Variants in CCDC167 observed in about 807,000 individuals in gnomAD.
CCDC167 encodes coiled-coil domain containing 167, also known as coiled-coil domain-containing protein 167.
Under a neutral mutation model 12.7 loss-of-function variants are expected in CCDC167, and 15 were observed. The ratio of observed to expected loss-of-function variants is 1.18; its 90% CI spans 0.79 to 1.81. The LOEUF is 1.81. Among genes scored for constraint, CCDC167 ranks in the 40% most tolerant of loss-of-function variants. The pLI, the probability that CCDC167 is intolerant of heterozygous loss-of-function variation, is 0.00. For missense variants in CCDC167, 121 were observed against 120.1 expected, an observed-to-expected ratio of 1.01 and a Z score of -0.03; for synonymous variants, 52 against 49.0, an observed-to-expected ratio of 1.06 and a Z score of -0.26.
At chr6:37,499,575 C>T (rs1762138367) in intron 1 of CCDC167, among the ~76,000 whole-genome samples, 1 of 152,082 alleles carries the variant, frequency 6.6e-6, no homozygotes, top group African/African-American at 2.4e-5. Flanking sequence ...CCTTCACTTC[C>T]ATGTCTCTTC....
Position 37,499,858 on chromosome 6 carries a change from A to T in CCDC167, c.6T>A (p.Thr2=). The T allele has an allele frequency of 6.2e-7, 1 of 1,614,052 alleles. No homozygotes were observed. The highest frequency in any genetic ancestry group is 8.5e-7 in the Non-Finnish European group (1 of 1,180,002). ...CGCCCAGATTCTCCCGCTTCTTTTTAGTCATGTTACTTGCCGGGATCCCCC... is the reference window on the plus strand; with the variant it reads ...CGCCCAGATTCTCCCGCTTCTTTTTTGTCATGTTACTTGCCGGGATCCCCC... The part of the protein sequence containing the change: M[T]KKKRENLGVA... Residue 2 remains threonine (T), a synonymous_variant, in exon 1 of 4, where the codon ACT becomes ACA. Transcript: ENST00000373408.
At chr6:37,489,964 A>G (rs1374364976) in intron 1 of CCDC167, among the ~76,000 whole-genome samples, 1 of 152,352 alleles carries the variant, frequency 6.6e-6, no homozygotes, top group East Asian at 1.9e-4. Flanking sequence ...CCTGCTGTAC[A>G]ATAACATTAA....
chr6:37,485,332 C>G, intron 1 of CCDC167, 138 bp from the exon 2 acceptor site: 1 of 652,078 alleles, frequency 1.5e-6, no homozygotes, highest in Non-Finnish European at 2.7e-6. Context: ...GCACCCAGGC[C>G]TGTCTTCCCT....
At chr6:37,495,265 C>CATCT (rs1209228471) in intron 1 of CCDC167, among the ~76,000 whole-genome samples, 1 of 152,214 alleles carries the variant, frequency 6.6e-6, no homozygotes, top group African/African-American at 2.4e-5. Context: ...AGACACCACA[C>CATCT]ATCTGTTAAC....
In CCDC167 at chr6:37,486,455, C is replaced by T. The variant is rs1353810718; in HGVS notation, c.43-1261G>A. Among the ~76,000 whole-genome samples the T allele has an allele frequency of 3.3e-5, 5 of 152,182 alleles. No individual in the cohort carries two copies. In the East Asian group the frequency reaches 9.6e-4, roughly 29 times the overall value. Reference sequence around the variant, plus strand: ...GCTGAGTGTCAGGAGAGTTGCATTCCAAGTCTCTGGGCCTTCTGTCTCTCT... The same window carrying T: ...GCTGAGTGTCAGGAGAGTTGCATTCTAAGTCTCTGGGCCTTCTGTCTCTCT... On this transcript the variant is annotated intron_variant, in intron 1 of 3. Transcript: ENST00000373408.
intron 3 of CCDC167, 25 bp downstream of exon 3, chr6:37,484,785 T>C (rs1761919302): frequency 1.2e-6 from 2 of 1,614,046 alleles, no homozygotes; most frequent in African/African-American, 2.7e-5. Flanking sequence ...AGGCTGGGGC[T>C]GGTAACTGAA....
rs540591484 is a variant in CCDC167 at position 37,484,914 on chromosome 6, C to T, written c.138-52G>A. On this transcript the variant is annotated intron_variant, in intron 2 of 3. Transcript: ENST00000373408. ...CCAAACCCTTTTCCTTTTCCCCACC[C>T]GAGGGGCAGCTGGCATGCCAGTTGG... 4.0e-5 allele frequency: 64 copies of T among 1,604,464 alleles called. No homozygotes were observed. The South Asian group carries it at 6.3e-4, about 16-fold the overall frequency.
chr6:37,490,598 G>A (rs898192463), intron 1 of CCDC167, among the ~76,000 whole-genome samples: 1 of 152,090 alleles, frequency 6.6e-6, no homozygotes, highest in Non-Finnish European at 1.5e-5. Flanking sequence ...GGGTGAAGGA[G>A]TGAGCTCAGC....
chr6:37,498,726 G>A (rs1762128160), intron 1 of CCDC167, among the ~76,000 whole-genome samples: 3 of 152,100 alleles, frequency 2.0e-5, no homozygotes, highest in Non-Finnish European at 1.5e-5. Context: ...TCGGGAGGCT[G>A]AGGCACGAGA....
At chr6:37,497,343 T>TA (rs760616046) in intron 1 of CCDC167, among the ~76,000 whole-genome samples, 1 of 152,230 alleles carries the variant, frequency 6.6e-6, no homozygotes, top group Non-Finnish European at 1.5e-5. Context: ...TGATTCTGTT[T>TA]AAAGTGACCT....
Position 37,483,077 on chromosome 6 carries a change from G to A in CCDC167, c.*109C>T, listed in dbSNP as rs959163879. On this transcript the variant is annotated 3_prime_UTR_variant, in exon 4 of 4. Coordinates refer to ENST00000373408, the MANE Select transcript of CCDC167 (RefSeq NM_138493.3). ...GGAAGCCATGCTTGAACACTAGGTT[G>A]GGAGGGGAACACCCCAGCACCTTGG... 1.1e-6 allele frequency: 1 copy of A among 872,672 alleles called. No homozygotes were observed. The highest frequency in any genetic ancestry group is 1.9e-6 in the Non-Finnish European group (1 of 516,662). The allele number at this position is 872,672 out of a possible 1,614,324, so 54.1% of individuals were successfully genotyped here. A position where few individuals can be genotyped will look rare whatever the true frequency, so the allele number is the denominator to read the frequency against.
chr6:37,486,987 G>A (rs564542218), intron 1 of CCDC167, among the ~76,000 whole-genome samples: 1 of 149,896 alleles, frequency 6.7e-6, no homozygotes, highest in South Asian at 2.2e-4. Flanking sequence ...CTTCCCTGCT[G>A]CCCTTGGCTG....
At chr6:37,486,616 C>T (rs879582998) in intron 1 of CCDC167, among the ~76,000 whole-genome samples, 7 of 152,192 alleles carry the variant, frequency 4.6e-5, no homozygotes, top group Non-Finnish European at 1.0e-4. Context: ...ATAAGCAGGG[C>T]CCTGTGGGAG....
intron 1 of CCDC167, among the ~76,000 whole-genome samples, chr6:37,494,005 T>C (rs550334756): frequency 6.6e-6 from 1 of 150,860 alleles, no homozygotes; most frequent in East Asian, 2.0e-4. Flanking sequence ...CTTCCTGGCC[T>C]AGGCCATTCT....
Position 37,486,783 on chromosome 6 carries a change from T to G in CCDC167, c.43-1589A>C, listed in dbSNP as rs146370955. ...AGGCCTACCTAGAACCTGTGCAGCATGGAAATGAACACTGGGAAGCCAGAT... is the reference window on the plus strand; with the variant it reads ...AGGCCTACCTAGAACCTGTGCAGCAGGGAAATGAACACTGGGAAGCCAGAT... On this transcript the variant is annotated intron_variant, in intron 1 of 3. Coordinates refer to ENST00000373408, the MANE Select transcript of CCDC167 (RefSeq NM_138493.3). Among the ~76,000 whole-genome samples the G allele has an allele frequency of 4.1e-3, 629 of 152,234 alleles. 5 individuals are homozygous for G. The highest frequency in any genetic ancestry group is 0.013 in the African/African-American group (553 of 41,526).
intron 1 of CCDC167, among the ~76,000 whole-genome samples, chr6:37,486,584 C>T (rs1761945797): frequency 6.6e-6 from 1 of 152,226 alleles, no homozygotes; most frequent in Non-Finnish European, 1.5e-5. Flanking sequence ...CCTGCAGCCC[C>T]ACCATGGCCA....
intron 1 of CCDC167, 46 bp from the exon 2 acceptor site, chr6:37,485,240 C>G (rs1488617260): frequency 1.4e-6 from 2 of 1,441,416 alleles, no homozygotes; most frequent in Non-Finnish European, 1.9e-6. Context: ...GCTTCTAGCT[C>G]TCAAAACACT....
intron 1 of CCDC167, among the ~76,000 whole-genome samples, chr6:37,488,260 G>A (rs1761972035): frequency 6.6e-6 from 1 of 152,348 alleles, no homozygotes; most frequent in African/African-American, 2.4e-5. Context: ...TTGTGGCTGG[G>A]GTCAGGAGTG....
intron 1 of CCDC167, among the ~76,000 whole-genome samples, chr6:37,497,104 C>A (rs1229052357): frequency 6.6e-6 from 1 of 152,248 alleles, no homozygotes; most frequent in Non-Finnish European, 1.5e-5. Flanking sequence ...GCCAAATGGT[C>A]TAAGGACTGT....
Sources: gnomAD v4.1 joint callset for allele counts (sites outside exome capture counted in the v4.1 genomes callset) on GRCh38, gnomAD v4.1.1 for gene constraint, MANE v1.5 for transcripts, NCBI Gene and HGNC (gene_info 2026-07-23, HGNC 2026-07-21) for gene names.